The following ATXN7L1 variants were observed in gnomAD, a reference collection of about 807,000 sequenced individuals.
The protein encoded by ATXN7L1 is ataxin 7 like 1.
ATXN7L1 carries 15 observed loss-of-function variants against 70.8 expected under a neutral mutation model. That is an observed-to-expected ratio of 0.21 (90% CI 0.14 to 0.33). The LOEUF (loss-of-function observed/expected upper bound fraction) is 0.33, where lower values mean the gene tolerates loss of function less well. Ranked by LOEUF, ATXN7L1 falls within the 10% of genes least tolerant of loss-of-function variation. The probability of loss-of-function intolerance (pLI) is 1.00; values close to 1 mark genes in which losing one functional copy is unlikely to be tolerated. For missense variants in ATXN7L1, 975 were observed against 1,097.1 expected (o/e 0.89, Z 1.57); for synonymous variants, 440 against 445.1 (o/e 0.99, Z 0.14).
chr7:105,795,092 A>C (rs539781211), intron 2 of ATXN7L1, among the ~76,000 whole-genome samples: 7 of 152,284 alleles, frequency 4.6e-5, no homozygotes, highest in Admixed American at 4.6e-4. Context: ...CTCCCGCTGA[A>C]ATCTGCTTCT....
At chr7:105,664,488 A>G (rs2116062206) in intron 4 of ATXN7L1, among the ~76,000 whole-genome samples, 1 of 100,324 alleles carries the variant, frequency 1.0e-5, no homozygotes, top group South Asian at 3.0e-4. Context: ...ATATGTATAC[A>G]TATATGTATA....
At chr7:105,837,569 A>C (rs529446469) in intron 2 of ATXN7L1, among the ~76,000 whole-genome samples, 1 of 152,306 alleles carries the variant, frequency 6.6e-6, no homozygotes, top group East Asian at 1.9e-4. Flanking sequence ...CCTCCCATCC[A>C]CAGCACCAGT....
intron 3 of ATXN7L1, among the ~76,000 whole-genome samples, chr7:105,701,458 T>C (rs928795418): frequency 3.9e-5 from 6 of 152,232 alleles, no homozygotes; most frequent in Admixed American, 3.9e-4. Flanking sequence ...ATACTTATTT[T>C]CTTATTTTAC....
At chr7:105,813,184 G>C (rs1808677956) in intron 2 of ATXN7L1, among the ~76,000 whole-genome samples, 1 of 152,102 alleles carries the variant, frequency 6.6e-6, no homozygotes, top group African/African-American at 2.4e-5. Flanking sequence ...CAAATGCTTT[G>C]TTAAAACCAG....
chr7:105,722,953 A>T (rs940242286), intron 3 of ATXN7L1, among the ~76,000 whole-genome samples: 2 of 151,984 alleles, frequency 1.3e-5, no homozygotes, highest in Non-Finnish European at 2.9e-5. Flanking sequence ...GTGTGCACCT[A>T]TAATTCCAGC....
chr7:105,742,906 C>T (rs1329107670), intron 3 of ATXN7L1, among the ~76,000 whole-genome samples: 8 of 152,238 alleles, frequency 5.3e-5, no homozygotes, highest in African/African-American at 1.9e-4. Context: ...GAGTATCTTC[C>T]AGCATCCCAC....
rs1563048396 is a variant in ATXN7L1, at chr7:105,733,513, TCCAC to T, written c.355+55087_355+55090del. On this transcript the variant is annotated intron_variant, in intron 3 of 11. Transcript: ENST00000419735. ...ATCCACCCATCCATCCTTCCATCCA[TCCAC>T]CCATCCATCCATCCATCCATCCACC... is the stretch of plus-strand genomic sequence containing the variant. Among the ~76,000 whole-genome samples the T allele has an allele frequency of 7.6e-4, 108 of 142,012 alleles. 13 individuals are homozygous for T. Among genetic ancestry groups the T allele is most frequent in the African/African-American group, 2.5e-3 (95 of 37,326 alleles). The allele number at this position is 142,012 out of a possible 152,430, so 93.2% of individuals were successfully genotyped here. A position where few individuals can be genotyped will look rare whatever the true frequency, so the allele number is the denominator to read the frequency against.
intron 2 of ATXN7L1, among the ~76,000 whole-genome samples, chr7:105,795,386 T>C (rs1342538909): frequency 6.6e-6 from 1 of 152,134 alleles, no homozygotes; most frequent in Non-Finnish European, 1.5e-5. Context: ...CTTTTGAAAA[T>C]GGTTACAGTT....
chr7:105,806,715 G>C (rs1033761505), intron 2 of ATXN7L1, among the ~76,000 whole-genome samples: 1 of 152,098 alleles, frequency 6.6e-6, no homozygotes, highest in African/African-American at 2.4e-5. Context: ...GCCAGTGAAG[G>C]AAGCTGAGAG....
At chr7:105,738,453 C>T (rs1172964834) in intron 3 of ATXN7L1, among the ~76,000 whole-genome samples, 1 of 152,224 alleles carries the variant, frequency 6.6e-6, no homozygotes, top group Non-Finnish European at 1.5e-5. Flanking sequence ...AACTAAATCA[C>T]ACTAGCACTC....
intron 3 of ATXN7L1, among the ~76,000 whole-genome samples, chr7:105,671,085 C>T (rs528939956): frequency 2.1e-4 from 27 of 126,872 alleles, no homozygotes; most frequent in Non-Finnish European, 2.8e-4. Flanking sequence ...CCAGCCTGGG[C>T]GACAGCGAGA....
chr7:105,736,301 CT>C (rs777052045), intron 3 of ATXN7L1, among the ~76,000 whole-genome samples: 1 of 152,230 alleles, frequency 6.6e-6, no homozygotes, highest in Non-Finnish European at 1.5e-5. Flanking sequence ...TTTATGTGAA[CT>C]GCTTGCCACG....
At position 105,768,967 on chromosome 7, in the gene ATXN7L1, C is replaced by G. The variant is rs78767591; in HGVS notation, c.355+19637G>C. On this transcript the variant is annotated intron_variant, in intron 3 of 11. Coordinates refer to ENST00000419735, the MANE Select transcript of ATXN7L1 (RefSeq NM_020725.2). ...TGCTGCTCTGTAAGCCTTTTCCCCC[C>G]CTGGGGTCTCTATCCATGGAAAATG... Among the ~76,000 whole-genome samples the G allele has an allele frequency of 7.6e-3, 1,156 of 152,300 alleles. 7 individuals are homozygous for G. Among genetic ancestry groups the G allele is most frequent in the African/African-American group, 0.01 (422 of 41,568 alleles).
chr7:105,780,508 C>T (rs572195375), intron 3 of ATXN7L1, among the ~76,000 whole-genome samples: 1 of 152,128 alleles, frequency 6.6e-6, no homozygotes, highest in South Asian at 2.1e-4. Flanking sequence ...AAATCTAATC[C>T]TCTCTTGTCT....
intron 2 of ATXN7L1, among the ~76,000 whole-genome samples, chr7:105,828,548 A>T (rs182196618): frequency 1.3e-5 from 2 of 152,352 alleles, no homozygotes; most frequent in African/African-American, 4.8e-5. Flanking sequence ...ATATGAATGT[A>T]AGAACTGAGG....
At chr7:105,681,029 T>C (rs1038834999) in intron 3 of ATXN7L1, among the ~76,000 whole-genome samples, 7 of 152,194 alleles carry the variant, frequency 4.6e-5, no homozygotes, top group Admixed American at 4.6e-4. Flanking sequence ...AGCAAACATG[T>C]GGCTTAGGAT....
intron 2 of ATXN7L1, among the ~76,000 whole-genome samples, chr7:105,791,108 G>A (rs920519863): frequency 2.6e-5 from 4 of 152,252 alleles, no homozygotes; most frequent in African/African-American, 9.6e-5. Context: ...TAGGCAAGGG[G>A]TGAGGCCCCC....
intron 3 of ATXN7L1, among the ~76,000 whole-genome samples, chr7:105,698,143 T>C (rs959995274): frequency 6.6e-6 from 1 of 152,148 alleles, no homozygotes; most frequent in African/African-American, 2.4e-5. Flanking sequence ...GTGCCTGACA[T>C]TGCCATGCAG....
At chr7:105,876,086 T>C (rs1483613750) in intron 1 of ATXN7L1, among the ~76,000 whole-genome samples, 1 of 152,082 alleles carries the variant, frequency 6.6e-6, no homozygotes, top group Non-Finnish European at 1.5e-5. Context: ...CAAAAAACTA[T>C]GCAAGCAGCA....
Sources: gnomAD v4.1 joint callset for allele counts (sites outside exome capture counted in the v4.1 genomes callset) on GRCh38, gnomAD v4.1.1 for gene constraint, MANE v1.5 for transcripts, NCBI Gene and HGNC (gene_info 2026-07-23, HGNC 2026-07-21) for gene names.